The following TMEM132D variants were observed in gnomAD, a reference collection of about 807,000 sequenced individuals.
TMEM132D encodes mature OL transmembrane protein.
Under a neutral mutation model 62.3 loss-of-function variants are expected in TMEM132D, and 21 were observed. The ratio of observed to expected loss-of-function variants is 0.34; its 90% CI spans 0.24 to 0.49. TMEM132D has a LOEUF of 0.49. TMEM132D is among the 20% of genes least tolerant of loss of function. TMEM132D has a pLI of 0.99. For synonymous variants in TMEM132D, 621 were observed against 575.6 expected, an observed-to-expected ratio of 1.08 and a Z score of -1.13; for missense variants, 1,346 against 1,402.8, an observed-to-expected ratio of 0.96 and a Z score of 0.65.
At chr12:129,510,728 CT>C (rs1378194531) in intron 3 of TMEM132D, among the ~76,000 whole-genome samples, 1 of 152,146 alleles carries the variant, frequency 6.6e-6, no homozygotes, top group Admixed American at 6.5e-5. Flanking sequence ...AAGAAATAGT[CT>C]TCTCCCTGTA....
chr12:129,199,011 G>T (rs1406514744), intron 5 of TMEM132D, among the ~76,000 whole-genome samples: 1 of 150,536 alleles, frequency 6.6e-6, no homozygotes, highest in Non-Finnish European at 1.5e-5. Context: ...GAGGATTAAA[G>T]AAGCAAACGC....
rs147791483 is a variant in TMEM132D, at chr12:129,864,037, A to G, written c.79+39224T>C. Reference sequence around the variant, plus strand: ...GGGCTGGACCTGCTAGTTCACTTCTAAAGAACAGCATGTAGCTGAGATGAC... The same window carrying G: ...GGGCTGGACCTGCTAGTTCACTTCTGAAGAACAGCATGTAGCTGAGATGAC... On this transcript the variant is annotated intron_variant, in intron 1 of 8. Coordinates refer to ENST00000422113, the MANE Select transcript of TMEM132D (RefSeq NM_133448.3). 2.0e-4 allele frequency among the ~76,000 whole-genome samples: 31 copies of G among 152,298 alleles called. No homozygotes were observed. In the East Asian group the frequency reaches 2.1e-3, roughly 10 times the overall value.
chr12:129,191,873 A>T (rs963936349), intron 5 of TMEM132D, among the ~76,000 whole-genome samples: 6 of 152,150 alleles, frequency 3.9e-5, no homozygotes, highest in Admixed American at 1.3e-4. Context: ...AATCTCCAGC[A>T]CTCTGATCAG....
chr12:129,235,393 CT>C (rs1879752563), intron 4 of TMEM132D, among the ~76,000 whole-genome samples: 1 of 129,130 alleles, frequency 7.7e-6, no homozygotes, highest in South Asian at 2.6e-4. Context: ...CTCTCAGCCC[CT>C]AATGGGTTTT....
chr12:129,517,384 G>A (rs1228530315), intron 3 of TMEM132D, among the ~76,000 whole-genome samples: 1 of 152,116 alleles, frequency 6.6e-6, no homozygotes, highest in East Asian at 1.9e-4. Flanking sequence ...TTAGTACTCA[G>A]ATTACCAGTT....
intron 3 of TMEM132D, among the ~76,000 whole-genome samples, chr12:129,460,532 T>C (rs1478343632): frequency 6.6e-6 from 1 of 152,142 alleles, no homozygotes; most frequent in Non-Finnish European, 1.5e-5. Context: ...CTCTCATCCA[T>C]GAGATGGCAT....
chr12:129,298,687 T>G (rs1354479597), intron 4 of TMEM132D, among the ~76,000 whole-genome samples: 1 of 152,148 alleles, frequency 6.6e-6, no homozygotes, highest in Non-Finnish European at 1.5e-5. Context: ...ATACAACTCT[T>G]TTTATCTTAA....
chr12:129,607,504 A>G (rs1259456581), intron 2 of TMEM132D, among the ~76,000 whole-genome samples: 1 of 152,160 alleles, frequency 6.6e-6, no homozygotes, highest in Non-Finnish European at 1.5e-5. Context: ...AGCCTCCACT[A>G]TAAATTCATT....
chr12:129,322,424 G>A (rs1868748696), intron 4 of TMEM132D, among the ~76,000 whole-genome samples: 1 of 152,162 alleles, frequency 6.6e-6, no homozygotes, highest in African/African-American at 2.4e-5. Flanking sequence ...GTAGAGCATT[G>A]ATACAATGTT....
intron 4 of TMEM132D, among the ~76,000 whole-genome samples, chr12:129,325,366 C>T (rs377562195): frequency 6.6e-6 from 1 of 152,134 alleles, no homozygotes; most frequent in Non-Finnish European, 1.5e-5. Context: ...TCAGAAAAGG[C>T]CTTACTGTTG....
chr12:129,521,734 T>A (rs1445691891), intron 3 of TMEM132D: 1 of 152,236 alleles, frequency 6.6e-6, no homozygotes, highest in Non-Finnish European at 1.5e-5. Flanking sequence ...TCTTTTTCAT[T>A]GCTGAGTAGT....
intron 1 of TMEM132D, among the ~76,000 whole-genome samples, chr12:129,716,240 C>T (rs950415671): frequency 1.3e-5 from 2 of 152,080 alleles, no homozygotes; most frequent in South Asian, 4.1e-4. Flanking sequence ...AAAACAATGC[C>T]GCCTGGGAAA....
chr12:129,326,635 G>A (rs542349421), intron 4 of TMEM132D, among the ~76,000 whole-genome samples: 6 of 152,282 alleles, frequency 3.9e-5, no homozygotes, highest in Admixed American at 6.5e-5. Flanking sequence ...TGTGGCTTGC[G>A]AGGCTGAAAA....
intron 5 of TMEM132D, among the ~76,000 whole-genome samples, chr12:129,086,185 CAT>C (rs1407750123): frequency 2.1e-5 from 3 of 141,138 alleles, no homozygotes; most frequent in Non-Finnish European, 4.6e-5. Flanking sequence ...CATCACCTCA[CAT>C]AGTCACGCGC....
Position 129,077,853 on chromosome 12 carries a change from GAC to G in TMEM132D, c.2115+679_2115+680del, listed in dbSNP as rs35176589. 7.0e-3 allele frequency among the ~76,000 whole-genome samples: 1,014 copies of G among 145,164 alleles called. 9 individuals are homozygous for G. Among genetic ancestry groups the G allele is most frequent in the African/African-American group, 0.024 (959 of 40,440 alleles). ...CACAAAACAAGCAACACAAAATACT[GAC>G]ACAAGACACACACATGCATACACAG... On this transcript the variant is annotated intron_variant, in intron 8 of 8. Transcript: ENST00000422113.
intron 3 of TMEM132D, among the ~76,000 whole-genome samples, chr12:129,441,849 A>G (rs2135721519): frequency 6.6e-6 from 1 of 152,344 alleles, no homozygotes; most frequent in East Asian, 1.9e-4. Flanking sequence ...ACATGGATGC[A>G]GTGGGAGGCT....
At chr12:129,593,867 T>C (rs1878263448) in intron 2 of TMEM132D, among the ~76,000 whole-genome samples, 1 of 152,084 alleles carries the variant, frequency 6.6e-6, no homozygotes, top group African/African-American at 2.4e-5. Flanking sequence ...TCCTTAATAC[T>C]TGCAGGGTTT....
intron 2 of TMEM132D, among the ~76,000 whole-genome samples, chr12:129,680,797 C>T (rs1390685494): frequency 6.6e-6 from 1 of 152,062 alleles, no homozygotes; most frequent in East Asian, 1.9e-4. Context: ...TTCTTAGGGT[C>T]AGAAGGACAA....
chr12:129,722,655 T>G (rs1868880769), intron 1 of TMEM132D, among the ~76,000 whole-genome samples: 1 of 152,090 alleles, frequency 6.6e-6, no homozygotes, highest in Non-Finnish European at 1.5e-5. Context: ...GCACTGTGGC[T>G]CTGTGAATCA....
Sources: allele counts gnomAD v4.1 joint callset (sites outside exome capture counted in the v4.1 genomes callset), GRCh38; gene constraint gnomAD v4.1.1; transcripts MANE v1.5; gene names NCBI Gene and HGNC (gene_info 2026-07-23, HGNC 2026-07-21).